GARIN4: variants seen among roughly 807,000 people sequenced by gnomAD.
GARIN4 encodes the protein golgi associated RAB2 interactor family member 4.
the GARIN4 span, chr1:212,624,901 G>T: frequency 1.2e-6 from 2 of 1,602,956 alleles, no homozygotes; most frequent in Non-Finnish European, 1.7e-6. Context: ...TTCTGCTGCC[G>T]TATTATACGG....
the GARIN4 span, chr1:212,625,573 G>GCAGCATAA: frequency 6.2e-7 from 1 of 1,614,126 alleles, no homozygotes; most frequent in Non-Finnish European, 8.5e-7. Context: ...AGGTGTGTGG[G>GCAGCATAA]GCCACCTCTG....
the GARIN4 span, chr1:212,625,968 G>A: frequency 1.7e-5 from 28 of 1,614,250 alleles, no homozygotes; most frequent in South Asian, 1.3e-4. Flanking sequence ...AGCCTTTCCC[G>A]AGAGGGCAGT....
At chr1:212,625,376 T>C in the GARIN4 span, 5 of 1,614,262 alleles carry the variant, frequency 3.1e-6, no homozygotes, top group Non-Finnish European at 4.2e-6. Context: ...CTTTGCCTAT[T>C]GGGAAAAACT....
At chr1:212,626,655 C>T in the GARIN4 span, 1 of 1,596,830 alleles carries the variant, frequency 6.3e-7, no homozygotes, top group East Asian at 2.2e-5. Context: ...ACCTTTGAAG[C>T]CCATTAAATA....
Sources: allele counts gnomAD v4.1 joint callset, GRCh38; gene constraint gnomAD v4.1.1; transcripts MANE v1.5; gene names NCBI Gene and HGNC (gene_info 2026-07-23, HGNC 2026-07-21).